Variants in FREM1 observed in about 807,000 individuals in gnomAD.
FREM1 encodes FRAS1 related extracellular matrix 1.
FREM1 carries 220 observed loss-of-function variants against 210.1 expected under a neutral mutation model. The observed-to-expected ratio is 1.05, with a 90% CI of 0.94 to 1.17. The LOEUF is 1.17. Among genes scored for constraint, FREM1 ranks in the 50% most tolerant of loss-of-function variants. The probability of loss-of-function intolerance (pLI) is 0.00; values close to 1 mark genes in which losing one functional copy is unlikely to be tolerated. For synonymous variants in FREM1, 1,189 were observed against 980.2 expected (o/e 1.21, Z -3.98); for missense variants, 3,454 against 2,675.5 (o/e 1.29, Z -6.42).
chr9:14,812,891 C>T lies in FREM1; in HGVS notation c.2814G>A (p.Val938=). 1 of 1,613,864 alleles carries T rather than the reference C, an allele frequency of 6.2e-7. No individual in the cohort carries two copies. Among genetic ancestry groups the T allele is most frequent in the Non-Finnish European group, 8.5e-7 (1 of 1,179,848 alleles). The change falls in exon 16 of 37, where the codon GTG becomes GTA. Residue 938 remains valine (V), a synonymous_variant. Coordinates refer to ENST00000380880, the MANE Select transcript of FREM1 (RefSeq NM_001379081.2). ...CCACTGTGACTCCAGCTCTCCTCAC[C>T]ACCCCATGCTGAGGTTCGCGAGCAA... ...FVIAREPQHG[V]VRRAGVTVDQ...
chr9:14,901,520 A>C (rs942710981), intron 1 of FREM1, among the ~76,000 whole-genome samples: 2 of 152,126 alleles, frequency 1.3e-5, no homozygotes, highest in African/African-American at 4.8e-5. Flanking sequence ...TTTCTACTCA[A>C]TAACAAAAAA....
Position 14,792,869 on chromosome 9 carries a change from T to C in FREM1, c.3855A>G (p.Ala1285=), listed in dbSNP as rs1428143866. The part of the protein sequence containing the change: ...KPMLSKKAEI[A]MNMGETRIIS... The stretch of plus-strand genomic sequence containing the variant: ...TAATACGAGTTTCACCCATATTCAT[T>C]GCAATTTCAGCCTTCCTGTAAAAAG... The change falls in exon 22 of 37, where the codon GCA becomes GCG. Residue 1285 remains alanine, a synonymous_variant. Transcript: ENST00000380880. 1.3e-6 allele frequency: 2 copies of C among 1,580,314 alleles called. No individual in the cohort carries two copies. The highest frequency in any genetic ancestry group is 1.8e-5 in the Admixed American group (1 of 55,150).
At chr9:14,845,846 C>A (rs1826506493) in intron 8 of FREM1, 114 bp downstream of exon 8, 1 of 1,083,494 alleles carries the variant, frequency 9.2e-7, no homozygotes, top group African/African-American at 1.6e-5. Context: ...CTGCATTTGA[C>A]AATTTCATTG....
At chr9:14,885,621 A>G (rs574300462) in intron 1 of FREM1, among the ~76,000 whole-genome samples, 151 of 152,084 alleles carry the variant, frequency 9.9e-4, no homozygotes, top group African/African-American at 3.5e-3. Context: ...GGAGTCTCAC[A>G]ATGTTGCCCA....
At chr9:14,742,811 G>A (rs1181416009) in intron 35 of FREM1, among the ~76,000 whole-genome samples, 1 of 151,990 alleles carries the variant, frequency 6.6e-6, no homozygotes, top group Admixed American at 6.5e-5. Context: ...AATCTACTTT[G>A]GGTTACCTCA....
chr9:14,841,564 C>A lies in FREM1; in HGVS notation c.1764G>T (p.Gln588His). The part of the protein sequence containing the change: ...LIGYPVHGFL[Q>H]RDLFNGIIYY... ...AAATGATTCCATTAAACAAATCCCT[C>A]TGAAGGAAGCCATGGACAGGATAGC... The change falls in exon 10 of 37, where the codon CAG becomes CAT. Residue 588 changes from glutamine to histidine, a missense_variant. Physicochemically the swap from Gln to His is conservative, Grantham distance 24. Transcript: ENST00000380880. 1.2e-6 allele frequency: 2 copies of A among 1,609,662 alleles called. No individual in the cohort carries two copies. Among genetic ancestry groups the A allele is most frequent in the African/African-American group, 1.3e-5 (1 of 74,994 alleles).
intron 21 of FREM1, among the ~76,000 whole-genome samples, chr9:14,796,068 T>C (rs571837817): frequency 6.6e-6 from 1 of 152,328 alleles, no homozygotes; most frequent in East Asian, 1.9e-4. Flanking sequence ...CAAACTGATG[T>C]ATGAGATGCA....
chr9:14,908,049 A>G (rs1188022845), intron 1 of FREM1, among the ~76,000 whole-genome samples: 1 of 152,132 alleles, frequency 6.6e-6, no homozygotes, highest in African/African-American at 2.4e-5. Context: ...TAGCAGGTGC[A>G]CCTAAATGTT....
chr9:14,795,702 T>A (rs1222876882), intron 21 of FREM1, among the ~76,000 whole-genome samples: 1 of 152,216 alleles, frequency 6.6e-6, no homozygotes, highest in Non-Finnish European at 1.5e-5. Context: ...GGGTGCCTAG[T>A]GTAAGCTCTT....
At chr9:14,860,788 T>C (rs1167785926) in intron 3 of FREM1, among the ~76,000 whole-genome samples, 12 of 94,774 alleles carry the variant, frequency 1.3e-4, no homozygotes, top group African/African-American at 5.1e-4. Context: ...TATACATATA[T>C]ACATATATAC....
intron 1 of FREM1, among the ~76,000 whole-genome samples, chr9:14,892,910 A>T (rs1456643082): frequency 1.3e-5 from 2 of 152,100 alleles, no homozygotes; most frequent in East Asian, 3.9e-4. Flanking sequence ...ACGAGTTGAA[A>T]TTCCTGGTCA....
intron 5 of FREM1, 87 bp downstream of exon 5, chr9:14,857,465 TG>T (rs1828981465): frequency 1.1e-5 from 13 of 1,131,012 alleles, no homozygotes; most frequent in Non-Finnish European, 1.3e-6. Context: ...GAACTCTCCC[TG>T]GCATGGGGGC....
chr9:14,740,476 G>A (rs556340323), intron 35 of FREM1, among the ~76,000 whole-genome samples: 11 of 152,232 alleles, frequency 7.2e-5, no homozygotes, highest in Admixed American at 5.9e-4. Flanking sequence ...AACATCGATA[G>A]GTTTTCAAAC....
rs925601424 is a variant in FREM1, at chr9:14,758,124, C to T, written c.5334+1648G>A. 3.3e-5 allele frequency among the ~76,000 whole-genome samples: 5 copies of T among 152,266 alleles called. No homozygotes were observed. In the East Asian group the frequency reaches 7.7e-4, roughly 24 times the overall value. On this transcript the variant is annotated intron_variant, in intron 28 of 36. Transcript: ENST00000380880. ...CAATCCACACAGGGTAAAAGCACCA[C>T]CTCTTTCCCTGCTCCCAGTCAAGCA...
chr9:14,754,900 C>T (rs1844023287), intron 29 of FREM1, among the ~76,000 whole-genome samples: 1 of 152,156 alleles, frequency 6.6e-6, no homozygotes, highest in Non-Finnish European at 1.5e-5. Flanking sequence ...CACCACTGCA[C>T]TCCAGCCTGG....
intron 14 of FREM1, among the ~76,000 whole-genome samples, chr9:14,817,655 A>T (rs1820543310): frequency 6.6e-6 from 1 of 152,196 alleles, no homozygotes; most frequent in African/African-American, 2.4e-5. Context: ...AAGTTGTATT[A>T]AAAAATAATA....
intron 11 of FREM1, among the ~76,000 whole-genome samples, chr9:14,824,532 T>A (rs1821980262): frequency 6.6e-6 from 1 of 152,192 alleles, no homozygotes; most frequent in Admixed American, 6.5e-5. Context: ...AAGCATTGTC[T>A]TTCAAAAAGT....
chr9:14,772,960 T>C (rs1328464215), intron 25 of FREM1, among the ~76,000 whole-genome samples: 2 of 152,230 alleles, frequency 1.3e-5, no homozygotes, highest in African/African-American at 4.8e-5. Flanking sequence ...TAAAAGGACA[T>C]CTAAACTCTA....
chr9:14,749,205 T>C (rs1436030450), intron 30 of FREM1, among the ~76,000 whole-genome samples: 1 of 152,218 alleles, frequency 6.6e-6, no homozygotes, highest in Non-Finnish European at 1.5e-5. Flanking sequence ...AAAACCCTTG[T>C]CTGGGTATTT....
Sources: gnomAD v4.1 joint callset for allele counts (sites outside exome capture counted in the v4.1 genomes callset) on GRCh38, gnomAD v4.1.1 for gene constraint, MANE v1.5 for transcripts, NCBI Gene and HGNC (gene_info 2026-07-23, HGNC 2026-07-21) for gene names.